Variants in SIAE observed in about 807,000 individuals in gnomAD.
SIAE encodes sialic acid acetylesterase, also known as sialate O-acetylesterase.
SIAE carries 39 observed loss-of-function variants against 52.6 expected under a neutral mutation model. The observed-to-expected ratio is 0.74, with a 90% CI of 0.57 to 0.97. The LOEUF (loss-of-function observed/expected upper bound fraction) is 0.97, where lower values mean the gene tolerates loss of function less well. Ranked by LOEUF, SIAE falls within the 50% of genes least tolerant of loss-of-function variation. The pLI is 0.00. For missense variants in SIAE, 592 were observed against 662.1 expected (o/e 0.89, Z 1.16); for synonymous variants, 233 against 241.4 (o/e 0.97, Z 0.32).
chr11:124,659,081 A>G (rs1359902778), intron 3 of SIAE: 1 of 152,230 alleles, frequency 6.6e-6, no homozygotes, highest in Non-Finnish European at 1.5e-5. Context: ...TTAGAGACCT[A>G]GCTTTATACA....
intron 7 of SIAE, among the ~76,000 whole-genome samples, chr11:124,644,351 GAGAA>G (rs1236125418): frequency 1.0e-5 from 1 of 98,976 alleles, no homozygotes; most frequent in African/African-American, 4.0e-5. Flanking sequence ...AGTCTGTGGT[GAGAA>G]AAAAAAAAAA....
intron 2 of SIAE, among the ~76,000 whole-genome samples, chr11:124,665,534 G>A (rs747722918): frequency 1.3e-5 from 2 of 152,200 alleles, no homozygotes; most frequent in Non-Finnish European, 2.9e-5. Context: ...AGCCTTGTGA[G>A]ACCCTCAGTA....
rs572877366 is a variant in SIAE at position 124,662,423 on chromosome 11, A to G, written c.230-1620T>C. Reference sequence around the variant, plus strand: ...CTTCTGCCACCAACGTTATTTACTTATGGTGGTGAGGTCAACCTCCAGAAA... The same window carrying G: ...CTTCTGCCACCAACGTTATTTACTTGTGGTGGTGAGGTCAACCTCCAGAAA... On this transcript the variant is annotated intron_variant, in intron 2 of 9. Transcript: ENST00000263593. 6.6e-5 allele frequency among the ~76,000 whole-genome samples: 10 copies of G among 152,336 alleles called. No individual in the cohort carries two copies. The South Asian group carries it at 1.9e-3, about 28-fold the overall frequency.
chr11:124,654,302 T>C, intron 4 of SIAE: 1 of 985,364 alleles, frequency 1.0e-6, no homozygotes, highest in Non-Finnish European at 1.2e-6. Context: ...GAGTTAGCCC[T>C]GAAAAGAGAC....
chr11:124,647,258 G>T, intron 7 of SIAE, 107 bp downstream of exon 7: 1 of 1,478,752 alleles, frequency 6.8e-7, no homozygotes, highest in East Asian at 2.3e-5. Context: ...TGAAATCCAG[G>T]AAAGAGATCC....
chr11:124,671,549 C>T lies in SIAE; in HGVS notation c.68-2028G>A, dbSNP rs546354732. Among the ~76,000 whole-genome samples the T allele has an allele frequency of 3.3e-5, 5 of 152,248 alleles. No homozygotes were observed. The South Asian group carries it at 1.0e-3, about 32-fold the overall frequency. On this transcript the variant is annotated intron_variant, in intron 1 of 9. Coordinates refer to ENST00000263593, the MANE Select transcript of SIAE (RefSeq NM_170601.5). ...CACTTGATTCCAAAGTTGAAATTCC[C>T]ACTTTGCCGAAATTAGATACTTGTG...
intron 4 of SIAE, 111 bp from the exon 5 acceptor site, chr11:124,649,907 T>C: frequency 9.9e-7 from 1 of 1,011,250 alleles, no homozygotes; most frequent in Non-Finnish European, 1.5e-6. Context: ...ATTCTTCTGT[T>C]GTTTTCTAAG....
At chr11:124,669,246 A>AGACGGATGTAGG in intron 2 of SIAE, 114 bp downstream of exon 2, 2 of 1,329,096 alleles carry the variant, frequency 1.5e-6, no homozygotes, top group Admixed American at 3.4e-5. Context: ...ATGAATGGAC[A>AGACGGATGTAGG]GACGGATGTA....
intron 9 of SIAE, among the ~76,000 whole-genome samples, chr11:124,638,272 C>G (rs1942784108): frequency 6.6e-6 from 1 of 152,228 alleles, no homozygotes; most frequent in African/African-American, 2.4e-5. Context: ...AAGATGGTTG[C>G]TTCGGCAGAG....
intron 2 of SIAE, among the ~76,000 whole-genome samples, chr11:124,662,645 C>G (rs1943204823): frequency 6.6e-6 from 1 of 152,136 alleles, no homozygotes; most frequent in South Asian, 2.1e-4. Flanking sequence ...CATAGCAATA[C>G]CATCCTGCTA....
At chr11:124,675,529 G>A (rs1001686527), upstream of SIAE, 2 of 1,169,248 alleles carry the variant, frequency 1.7e-6, no homozygotes, top group African/African-American at 1.6e-5. Context: ...ATGAGGCAGG[G>A]AGTTTCAGAT....
At chr11:124,660,505 T>G in intron 3 of SIAE, 123 bp downstream of exon 3, 4 of 893,282 alleles carry the variant, frequency 4.5e-6, no homozygotes, top group Non-Finnish European at 7.4e-6. Context: ...TTAGAACATA[T>G]CTTGGCTCAT....
At position 124,636,627 on chromosome 11, in the gene SIAE, T is replaced by C. The variant is rs1942747059; in HGVS notation, c.*324A>G. 2.8e-6 allele frequency: 1 copy of C among 352,212 alleles called. No homozygotes were observed. The highest frequency in any genetic ancestry group is 2.1e-5 in the African/African-American group (1 of 47,706). The allele number at this position is 352,212 out of a possible 1,614,324, so 21.8% of individuals were successfully genotyped here. On this transcript the variant is annotated 3_prime_UTR_variant, in exon 10 of 10. Coordinates refer to ENST00000263593, the MANE Select transcript of SIAE (RefSeq NM_170601.5). Reference sequence around the variant, plus strand: ...CTTCCAATCCTGAGATTCCCACAACTCTGGATAAAAAGGGGCAAAAGTATT... The same window carrying C: ...CTTCCAATCCTGAGATTCCCACAACCCTGGATAAAAAGGGGCAAAAGTATT...
chr11:124,675,179 G>C, upstream of SIAE: 1 of 1,487,392 alleles, frequency 6.7e-7, no homozygotes, highest in Non-Finnish European at 9.1e-7. Flanking sequence ...TGGCATAGTT[G>C]TGATTATATA....
rs1942814863 is a variant in SIAE at position 124,639,808 on chromosome 11, A to T, written c.1026T>A (p.His342Gln). The change falls in exon 8 of 10, where the codon CAT (histidine) becomes CAA (glutamine). Residue 342 changes from histidine (H) to glutamine (Q), a missense_variant. Coordinates refer to ENST00000263593, the MANE Select transcript of SIAE (RefSeq NM_170601.5). ...SDDGFPQIRW[H>Q]QTADFGYVPN... ...GGACATAGCCGAAGTCTGCTGTTTG[A>T]TGCCAACGGATCTGGGGAAATCCAT... is the stretch of plus-strand genomic sequence containing the variant. 2.5e-6 allele frequency: 4 copies of T among 1,614,228 alleles called. No homozygotes were observed. The highest frequency in any genetic ancestry group is 2.5e-6 in the Non-Finnish European group (3 of 1,180,040).
intron 2 of SIAE, among the ~76,000 whole-genome samples, chr11:124,667,576 G>A (rs114943060): frequency 0.016 from 2,421 of 152,166 alleles, 30 homozygotes; most frequent in Non-Finnish European, 0.02. Flanking sequence ...CCTTGCTTTC[G>A]GGGGCCAGTA....
Position 124,673,501 on chromosome 11 carries a change from G to A in SIAE, c.67+141C>T, listed in dbSNP as rs2134399735. The A allele has an allele frequency of 4.2e-6, 4 of 957,736 alleles. No homozygotes were observed. The East Asian group carries it at 7.9e-5, about 19-fold the overall frequency. The allele number at this position is 957,736 out of a possible 1,614,324, so 59.3% of individuals were successfully genotyped here. A position where few individuals can be genotyped will look rare whatever the true frequency, so the allele number is the denominator to read the frequency against. ...GACTCCTGCAGACCGGGCCTCGGTCGGAGACGCGAGCCCCTAGCCTAGCTA... is the reference window on the plus strand; with the variant it reads ...GACTCCTGCAGACCGGGCCTCGGTCAGAGACGCGAGCCCCTAGCCTAGCTA... On this transcript the variant is annotated intron_variant, in intron 1 of 9. Coordinates refer to ENST00000263593, the MANE Select transcript of SIAE (RefSeq NM_170601.5).
At chr11:124,660,581 T>G in intron 3 of SIAE, 47 bp downstream of exon 3, 2 of 1,604,508 alleles carry the variant, frequency 1.2e-6, no homozygotes, top group Non-Finnish European at 1.7e-6. Flanking sequence ...TTCTTTTCCT[T>G]CTTCATCACC....
At chr11:124,668,145 AC>A (rs1943298546) in intron 2 of SIAE, among the ~76,000 whole-genome samples, 1 of 151,678 alleles carries the variant, frequency 6.6e-6, no homozygotes, top group Non-Finnish European at 1.5e-5. Context: ...CCAGTCACAC[AC>A]CCCCCAGTGT....
Sources: gnomAD v4.1 joint callset for allele counts (sites outside exome capture counted in the v4.1 genomes callset) on GRCh38, gnomAD v4.1.1 for gene constraint, MANE v1.5 for transcripts, NCBI Gene and HGNC (gene_info 2026-07-23, HGNC 2026-07-21) for gene names.